PHRF1: variants seen among roughly 807,000 people sequenced by gnomAD.
PHRF1 encodes PHD and ring finger domains 1, also known as PHD and RING finger domain-containing protein 1.
Under a neutral mutation model 128.9 loss-of-function variants are expected in PHRF1, and 53 were observed. The observed-to-expected ratio is 0.41, with a 90% CI of 0.33 to 0.52. The LOEUF is 0.52. Ranked by LOEUF, PHRF1 falls within the 20% of genes least tolerant of loss-of-function variation. The probability of loss-of-function intolerance (pLI) is 0.21; values close to 1 mark genes in which losing one functional copy is unlikely to be tolerated. For missense variants in PHRF1, 2,503 were observed against 2,284.5 expected (o/e 1.10, Z -1.95); for synonymous variants, 1,178 against 980.6 (o/e 1.20, Z -3.76).
chr11:609,816 G>T lies in PHRF1; in HGVS notation c.4264+96G>T, dbSNP rs2133095887. 4 of 822,982 alleles carry T rather than the reference G, an allele frequency of 4.9e-6. No homozygotes were observed. The South Asian group carries it at 8.3e-5, about 17-fold the overall frequency. The allele number at this position is 822,982 out of a possible 1,614,324, so 51.0% of individuals were successfully genotyped here. Reference sequence around the variant, plus strand: ...AGAGCCCCCCGTGAGTAAGGCCCCGGCCTCCACCGAGGACAGAGCCCCCCG... The same window carrying T: ...AGAGCCCCCCGTGAGTAAGGCCCCGTCCTCCACCGAGGACAGAGCCCCCCG... On this transcript the variant is annotated intron_variant, in intron 14 of 17. Transcript: ENST00000264555.
At chr11:578,846 C>T (rs1247562627) in intron 1 of PHRF1, among the ~76,000 whole-genome samples, 3 of 152,072 alleles carry the variant, frequency 2.0e-5, no homozygotes, top group East Asian at 1.9e-4. Context: ...CCACCACGCC[C>T]GGCTGATTCA....
Position 597,048 on chromosome 11 carries a change from G to A in PHRF1, c.718+28G>A, listed in dbSNP as rs117067147. 8.1e-6 allele frequency: 13 copies of A among 1,602,398 alleles called. No individual in the cohort carries two copies. The highest frequency in any genetic ancestry group is 6.7e-5 in the East Asian group (3 of 44,728). On this transcript the variant is annotated intron_variant, in intron 7 of 17. Transcript: ENST00000264555. This position sits in a 1 kb window ranked among gnomAD's most constrained non-coding sequence, Gnocchi z 6.5. ...AAGGACACTGCTCCCGTCCCAAGGC[G>A]CACATGGGCCTTCTCACTGTCCACT... is the stretch of plus-strand genomic sequence containing the variant.
chr11:607,711 C>T lies in PHRF1; in HGVS notation c.2255C>T (p.Ala752Val). ...CACACGGGCAGCTCCCGGCCCCCAG[C>T]CCCCAGCTCCCATGGCAGTTTGGCC... ...GVHTGSSRPP[A>V]PSSHGSLAPL... Residue 752 changes from alanine to valine, a missense_variant, in exon 14 of 18, where the codon GCC becomes GTC. Ala to Val is a moderately conservative substitution (Grantham distance 64). Coordinates refer to ENST00000264555, the MANE Select transcript of PHRF1 (RefSeq NM_001286581.2). 3 of 1,610,786 alleles carry T rather than the reference C, an allele frequency of 1.9e-6. No individual in the cohort carries two copies. The highest frequency in any genetic ancestry group is 2.5e-6 in the Non-Finnish European group (3 of 1,178,554).
At chr11:577,578 G>C (rs1452146876) in intron 1 of PHRF1, among the ~76,000 whole-genome samples, 1 of 152,278 alleles carries the variant, frequency 6.6e-6, no homozygotes, top group Non-Finnish European at 1.5e-5. Context: ...TTGGCCCTCA[G>C]CAGGGCTGTG....
intron 13 of PHRF1, 67 bp downstream of exon 13, chr11:606,663 C>T: frequency 6.6e-7 from 1 of 1,516,152 alleles, no homozygotes; most frequent in Non-Finnish European, 8.8e-7. Context: ...TTCGCAAGCA[C>T]TCAGCCCATG....
chr11:606,947 G>A, intron 13 of PHRF1, 119 bp from the exon 14 acceptor site: 3 of 1,457,682 alleles, frequency 2.1e-6, no homozygotes, highest in Non-Finnish European at 2.7e-6. Context: ...CACCTCAACA[G>A]GCAGACAGGA....
At position 601,083 on chromosome 11, in the gene PHRF1, G is replaced by A. The variant is rs997052805; in HGVS notation, c.1025-491G>A. 4.7e-4 allele frequency among the ~76,000 whole-genome samples: 71 copies of A among 152,072 alleles called. 1 individual carries two copies. Among genetic ancestry groups the A allele is most frequent in the African/African-American group, 1.6e-3 (68 of 41,454 alleles). ...GGAGAATCGCTTGAACCCAGGAGGC[G>A]GAGGTTGCAGTGAGGTAAGATCGCA... is the stretch of plus-strand genomic sequence containing the variant. On this transcript the variant is annotated intron_variant, in intron 9 of 17. Transcript: ENST00000264555.
intron 15 of PHRF1, 25 bp from the exon 16 acceptor site, chr11:610,454 AGCTGCTAGCTGTAGGGCCCAGT>A (rs1212058049): frequency 1.3e-6 from 2 of 1,575,418 alleles, no homozygotes; most frequent in African/African-American, 1.3e-5. Context: ...CTGGGCACAG[AGCTGCTAGCTGTAGGGCCCAGT>A]GCTCAGCAGG....
rs748707931 is a variant in PHRF1, at chr11:607,190, A to G, written c.1734A>G (p.Pro578=). ...CCCAAGGCCCGTCAGGAAACAGGCC[A>G]CAGAGCACAGGGCTCAGCTGTCAAG... is the stretch of plus-strand genomic sequence containing the variant. ...SPAQGPSGNR[P]QSTGLSCQGR... is the part of the protein sequence containing the mutation. Residue 578 remains proline, a synonymous_variant, in exon 14 of 18, where the codon CCA becomes CCG. Coordinates refer to ENST00000264555, the MANE Select transcript of PHRF1 (RefSeq NM_001286581.2). The G allele has an allele frequency of 8.7e-6, 14 of 1,612,562 alleles. No individual in the cohort carries two copies. In the East Asian group the frequency reaches 3.1e-4, roughly 36 times the overall value.
intron 3 of PHRF1, among the ~76,000 whole-genome samples, chr11:585,042 C>A (rs963596428): frequency 2.6e-5 from 4 of 152,174 alleles, no homozygotes; most frequent in African/African-American, 9.7e-5. Flanking sequence ...CTGGCCAGGA[C>A]TGTTTTTTAA....
At chr11:605,063 C>G (rs1398107448) in intron 10 of PHRF1, 56 bp from the exon 11 acceptor site, 2 of 1,521,922 alleles carry the variant, frequency 1.3e-6, no homozygotes, top group Non-Finnish European at 1.8e-6. Context: ...TTACAGAGCC[C>G]TCGTAGATGC....
In PHRF1 at chr11:607,712, C is replaced by A. The variant is rs1449328383; in HGVS notation, c.2256C>A (p.Ala752=). ...GVHTGSSRPP[A]PSSHGSLAPL... is the part of the protein sequence containing the mutation. ...ACACGGGCAGCTCCCGGCCCCCAGC[C>A]CCCAGCTCCCATGGCAGTTTGGCCC... is the stretch of plus-strand genomic sequence containing the variant. The change falls in exon 14 of 18, where the codon GCC becomes GCA. Residue 752 remains alanine (A), a synonymous_variant. Coordinates refer to ENST00000264555, the MANE Select transcript of PHRF1 (RefSeq NM_001286581.2). 6.2e-7 allele frequency: 1 copy of A among 1,611,380 alleles called. No individual in the cohort carries two copies. The highest frequency in any genetic ancestry group is 8.5e-7 in the Non-Finnish European group (1 of 1,179,124).
rs745564305 is a variant in PHRF1 at position 608,059 on chromosome 11, C to T, written c.2603C>T (p.Pro868Leu). The T allele has an allele frequency of 1.2e-5, 20 of 1,611,454 alleles. No individual in the cohort carries two copies. The highest frequency in any genetic ancestry group is 4.4e-5 in the South Asian group (4 of 91,092). ...ACACGAACCATCTCCATCAACAGCC[C>T]GAAGGCCCAGACGGTGCAGGCTGTG... Reference protein sequence around the residue: ...EITRTISINSPKAQTVQAVRC... With the variant: ...EITRTISINSLKAQTVQAVRC... Residue 868 changes from proline to leucine, a missense_variant, in exon 14 of 18, where the codon CCG becomes CTG. Transcript: ENST00000264555.
chr11:581,522 G>A lies in PHRF1; in HGVS notation c.10G>A (p.Asp4Asn), dbSNP rs201520162. 44 of 1,613,624 alleles carry A rather than the reference G, an allele frequency of 2.7e-5. No homozygotes were observed. In the Admixed American group the frequency reaches 3.5e-4, roughly 13 times the overall value. Residue 4 changes from aspartate to asparagine, a missense_variant, in exon 2 of 18, where the codon GAC (aspartate) becomes AAC (asparagine). Physicochemically the swap from Asp to Asn is conservative, Grantham distance 23. Transcript: ENST00000264555. MDD[D>N]SLDELVARSP... Reference sequence around the variant, plus strand: ...AGCTCAATGTGCAGCAATGGATGACGACAGCCTGGATGAGCTTGTGGCCCG... The same window carrying A: ...AGCTCAATGTGCAGCAATGGATGACAACAGCCTGGATGAGCTTGTGGCCCG...
chr11:590,212 C>T (rs1854886138), intron 4 of PHRF1, among the ~76,000 whole-genome samples: 1 of 152,240 alleles, frequency 6.6e-6, no homozygotes, highest in African/African-American at 2.4e-5. Flanking sequence ...GGTAGGAGGG[C>T]ACCCCAGACT....
chr11:601,562 TC>T lies in PHRF1; in HGVS notation c.1025-11del. 6.2e-7 allele frequency: 1 copy of T among 1,613,350 alleles called. No individual in the cohort carries two copies. The highest frequency in any genetic ancestry group is 1.1e-5 in the South Asian group (1 of 91,066). On this transcript the variant is annotated splice_polypyrimidine_tract_variant and intron_variant, in intron 9 of 17. Coordinates refer to ENST00000264555, the MANE Select transcript of PHRF1 (RefSeq NM_001286581.2). ...GCACAGAGAAGCACAGACTTCAACCTCTTTTCCTTAGGAAGACGGAAGAAAG... is the reference window on the plus strand; with the variant it reads ...GCACAGAGAAGCACAGACTTCAACCTTTTTCCTTAGGAAGACGGAAGAAAG...
At chr11:577,722 T>A (rs534944517) in intron 1 of PHRF1, among the ~76,000 whole-genome samples, 3 of 152,212 alleles carry the variant, frequency 2.0e-5, no homozygotes, top group Non-Finnish European at 2.9e-5. Context: ...AGTTGAGGTG[T>A]TGGACTTGGC....
rs1347450807 is a variant in PHRF1 at position 597,671 on chromosome 11, C to A, written c.894+101C>A. ...AGGGGCGTCGTCGGCACTGTGGGGT[C>A]CGCCCGGCCCCGGTGGCTCATGTTG... On this transcript the variant is annotated intron_variant, in intron 8 of 17. Transcript: ENST00000264555. This position sits in a 1 kb window ranked among gnomAD's most constrained non-coding sequence, Gnocchi z 6.5. 1.6e-5 allele frequency: 23 copies of A among 1,401,848 alleles called. No individual in the cohort carries two copies. The highest frequency in any genetic ancestry group is 2.2e-5 in the Non-Finnish European group (23 of 1,041,318). 86.8% of individuals were successfully genotyped at this position (1,401,848 alleles called of 1,614,324 possible). A position where few individuals can be genotyped will look rare whatever the true frequency, so the allele number is the denominator to read the frequency against.
chr11:576,693 G>T (rs1853848556), intron 1 of PHRF1, 101 bp downstream of exon 1: 1 of 147,604 alleles, frequency 6.8e-6, no homozygotes, highest in African/African-American at 2.5e-5. Flanking sequence ...ACCGCGGGGC[G>T]AGGCCTGCGC....
Sources: gnomAD v4.1 joint callset for allele counts (sites outside exome capture counted in the v4.1 genomes callset) on GRCh38, gnomAD v4.1.1 for gene constraint, Gnocchi (gnomAD v3.1) non-coding constraint, MANE v1.5 for transcripts, NCBI Gene and HGNC (gene_info 2026-07-23, HGNC 2026-07-21) for gene names.